Variants in MME observed in about 807,000 individuals in gnomAD.
MME encodes the protein membrane metalloendopeptidase.
A neutral mutation model predicts 113.2 loss-of-function variants in MME; 98 were observed. The ratio of observed to expected loss-of-function variants is 0.87; its 90% CI spans 0.74 to 1.02. The LOEUF (loss-of-function observed/expected upper bound fraction) is 1.02. MME is among the 50% of genes least tolerant of loss of function. MME has a pLI of 0.00. For synonymous variants in MME, 292 were observed against 300.6 expected (o/e 0.97, Z 0.30); for missense variants, 836 against 896.0 (o/e 0.93, Z 0.86).
At chr3:155,061,262 C>A (rs1378517923) in intron 1 of MME, among the ~76,000 whole-genome samples, 1 of 152,008 alleles carries the variant, frequency 6.6e-6, no homozygotes, top group Non-Finnish European at 1.5e-5. Context: ...ACCATCCTGG[C>A]TAACATGGTG....
intron 1 of MME, among the ~76,000 whole-genome samples, chr3:155,069,442 TGA>T (rs1714485955): frequency 6.6e-6 from 1 of 152,158 alleles, no homozygotes; most frequent in Non-Finnish European, 1.5e-5. Context: ...AACTCAGAGT[TGA>T]GAGAGGTTTG....
Position 155,133,742 on chromosome 3 carries a change from G to T in MME, c.721-4360G>T, listed in dbSNP as rs1259164327. Among the ~76,000 whole-genome samples, 4 of 139,398 alleles carry T rather than the reference G, an allele frequency of 2.9e-5. No homozygotes were observed. In the East Asian group the frequency reaches 6.3e-4, roughly 22 times the overall value. 91.5% of individuals were successfully genotyped at this position (139,398 alleles called of 152,430 possible). On this transcript the variant is annotated intron_variant, in intron 8 of 22. Coordinates refer to ENST00000360490, the MANE Select transcript of MME (RefSeq NM_007289.4). ...TGGTGTGTATATATACATATATATG[G>T]TGTATATATATATGTGTATATATAT...
chr3:155,078,076 A>G (rs919089375), upstream of MME, among the ~76,000 whole-genome samples: 21 of 151,398 alleles, frequency 1.4e-4, no homozygotes, highest in African/African-American at 4.6e-4. Flanking sequence ...ACACACACAC[A>G]CACGCAAGCA....
intron 3 of MME, among the ~76,000 whole-genome samples, chr3:155,098,505 A>G (rs1428343296): frequency 6.6e-6 from 1 of 151,954 alleles, no homozygotes; most frequent in Non-Finnish European, 1.5e-5. Flanking sequence ...GCAATGAGCC[A>G]AGATCGCACC....
chr3:155,067,800 G>A (rs1369957381), intron 1 of MME, among the ~76,000 whole-genome samples: 1 of 152,190 alleles, frequency 6.6e-6, no homozygotes, highest in Admixed American at 6.5e-5. Context: ...TAACAAGAAT[G>A]TAGGGCAAAT....
chr3:155,101,024 C>T (rs1423315866), intron 3 of MME, among the ~76,000 whole-genome samples: 5 of 152,134 alleles, frequency 3.3e-5, no homozygotes, highest in East Asian at 1.9e-4. Context: ...TTGGCCCTGT[C>T]TTTGCAATAG....
intron 1 of MME, among the ~76,000 whole-genome samples, chr3:155,054,553 G>A (rs1713863392): frequency 6.6e-6 from 1 of 152,198 alleles, no homozygotes; most frequent in Non-Finnish European, 1.5e-5. Context: ...TGGGTGCAGT[G>A]GCTCACTCCT....
intron 3 of MME, among the ~76,000 whole-genome samples, chr3:155,107,497 G>C (rs773932599): frequency 6.6e-6 from 1 of 152,098 alleles, no homozygotes; most frequent in Non-Finnish European, 1.5e-5. Context: ...TTAAAATAGA[G>C]TAGTAATTGA....
At chr3:155,133,062 A>AAAAAATATATATATATATATATATAT (rs1553762419) in intron 8 of MME, among the ~76,000 whole-genome samples, 30 of 75,002 alleles carry the variant, frequency 4.0e-4, no homozygotes, top group Non-Finnish European at 5.7e-4. Context: ...AAAAAAAAAA[A>AAAAAATATATATATATATATATATAT]ATATATATAT....
upstream of MME, among the ~76,000 whole-genome samples, chr3:155,075,815 C>T (rs1275930474): frequency 6.6e-6 from 1 of 152,156 alleles, no homozygotes; most frequent in African/African-American, 2.4e-5. Context: ...ACCACCAGGC[C>T]TGATTGAGTA....
At chr3:155,075,025 C>G (rs1350284088), upstream of MME, among the ~76,000 whole-genome samples, 1 of 151,660 alleles carries the variant, frequency 6.6e-6, no homozygotes, top group Non-Finnish European at 1.5e-5. Context: ...GATTTGTGCA[C>G]TTGACATATC....
chr3:155,166,864 T>C, intron 17 of MME, 38 bp from the exon 18 acceptor site: 2 of 1,613,132 alleles, frequency 1.2e-6, no homozygotes, highest in Admixed American at 1.7e-5. Flanking sequence ...TAAAAACTTA[T>C]GCCACAAATA....
intron 17 of MME, among the ~76,000 whole-genome samples, chr3:155,163,705 C>A (rs541461561): frequency 1.3e-5 from 2 of 152,102 alleles, no homozygotes; most frequent in African/African-American, 4.8e-5. Context: ...TGTGTAAGTT[C>A]TTCAGTGTGT....
chr3:155,118,875 T>A (rs954204151), intron 8 of MME, 64 bp downstream of exon 8: 1 of 1,081,828 alleles, frequency 9.2e-7, no homozygotes. Flanking sequence ...CTACAAGTAA[T>A]GAAAAAGATA....
At chr3:155,057,153 A>G (rs1713960189) in intron 1 of MME, among the ~76,000 whole-genome samples, 1 of 152,168 alleles carries the variant, frequency 6.6e-6, no homozygotes, top group Non-Finnish European at 1.5e-5. Flanking sequence ...ATCAGAGTGA[A>G]CAAGCAACCT....
chr3:155,170,095 G>A (rs530777425), intron 20 of MME, among the ~76,000 whole-genome samples: 1 of 152,148 alleles, frequency 6.6e-6, no homozygotes, highest in Non-Finnish European at 1.5e-5. Context: ...GCCCAGGCTG[G>A]AATGCAGTGG....
intron 1 of MME, among the ~76,000 whole-genome samples, chr3:155,048,366 C>T (rs930440108): frequency 6.6e-6 from 1 of 152,122 alleles, no homozygotes; most frequent in Non-Finnish European, 1.5e-5. Context: ...AGTTTTTGCT[C>T]TCTTCTACAA....
rs954288187 is a variant in MME at position 155,118,598 on chromosome 3, C to T, written c.655-148C>T. ...TTACAAGTAGTGTAGAAAGCATTTC[C>T]TAACTAGGTATTTATTGAGTGTCTG... On this transcript the variant is annotated intron_variant, in intron 7 of 22. Transcript: ENST00000360490. The T allele has an allele frequency of 2.3e-5, 15 of 647,886 alleles. No individual in the cohort carries two copies. The Admixed American group carries it at 3.3e-4, about 14-fold the overall frequency. 40.1% of individuals were successfully genotyped at this position (647,886 alleles called of 1,614,324 possible).
chr3:155,164,616 T>C (rs912065918), intron 17 of MME, among the ~76,000 whole-genome samples: 3 of 152,196 alleles, frequency 2.0e-5, no homozygotes, highest in Non-Finnish European at 4.4e-5. Flanking sequence ...TTGTAGTTAA[T>C]ATTTAGTCTT....
Sources: gnomAD v4.1 joint callset for allele counts (sites outside exome capture counted in the v4.1 genomes callset) on GRCh38, gnomAD v4.1.1 for gene constraint, MANE v1.5 for transcripts, NCBI Gene and HGNC (gene_info 2026-07-23, HGNC 2026-07-21) for gene names.